The following POU6F2 variants were observed in gnomAD, a reference collection of about 807,000 sequenced individuals.
The protein encoded by POU6F2 is POU domain, class 6, transcription factor 2.
A neutral mutation model predicts 71.3 loss-of-function variants in POU6F2; 31 were observed. That is an observed-to-expected ratio of 0.43 (90% CI 0.33 to 0.59). POU6F2 has a LOEUF of 0.59. Among genes scored for constraint, POU6F2 ranks in the 20% least tolerant of loss-of-function variants. The pLI is 0.04. For synonymous variants in POU6F2, 347 were observed against 355.7 expected (o/e 0.98, Z 0.27); for missense variants, 783 against 856.8 (o/e 0.91, Z 1.07).
chr7:39,208,183 A>G (rs186737719), intron 4 of POU6F2, among the ~76,000 whole-genome samples: 1 of 152,234 alleles, frequency 6.6e-6, no homozygotes, highest in Non-Finnish European at 1.5e-5. Context: ...TTTATACTAC[A>G]GGGACATATA....
At chr7:39,182,684 G>T (rs1304949044) in intron 2 of POU6F2, among the ~76,000 whole-genome samples, 1 of 151,980 alleles carries the variant, frequency 6.6e-6, no homozygotes, top group Non-Finnish European at 1.5e-5. Context: ...GCTCTTTTCT[G>T]CTGCAATTGT....
intron 6 of POU6F2, among the ~76,000 whole-genome samples, chr7:39,430,728 C>T (rs1788080968): frequency 6.6e-6 from 1 of 152,198 alleles, no homozygotes. Flanking sequence ...AGGCTACTTG[C>T]TCCCACTGGC....
chr7:39,066,064 G>T (rs879609280), intron 1 of POU6F2, among the ~76,000 whole-genome samples: 3 of 151,698 alleles, frequency 2.0e-5, no homozygotes, highest in African/African-American at 4.8e-5. Flanking sequence ...CCCAAATTCG[G>T]CTTGACAGTT....
At chr7:39,424,013 A>C (rs1787912006) in intron 6 of POU6F2, among the ~76,000 whole-genome samples, 1 of 152,242 alleles carries the variant, frequency 6.6e-6, no homozygotes, top group African/African-American at 2.4e-5. Context: ...CTAGAGGCTG[A>C]GAAATTCAAG....
chr7:39,311,500 G>A (rs1583515686), intron 4 of POU6F2, among the ~76,000 whole-genome samples: 1 of 152,142 alleles, frequency 6.6e-6, no homozygotes, highest in Non-Finnish European at 1.5e-5. Context: ...AGGAATTTTT[G>A]TCTGTTTTTA....
intron 5 of POU6F2, among the ~76,000 whole-genome samples, chr7:39,359,565 A>T (rs543638695): frequency 6.6e-6 from 1 of 152,318 alleles, no homozygotes; most frequent in Non-Finnish European, 1.5e-5. Flanking sequence ...AATTAATTAA[A>T]TTATCACATT....
At position 39,121,526 on chromosome 7, in the gene POU6F2, C is replaced by T. The variant is rs182626544; in HGVS notation, c.277+35495C>T. ...ATTCTCTGTCAAAGTACGTATTTCT[C>T]GTTATTATTTCTCACTCATTATCTT... On this transcript the variant is annotated intron_variant, in intron 2 of 9. Coordinates refer to ENST00000518318, the MANE Select transcript of POU6F2 (RefSeq NM_001370959.1). Among the ~76,000 whole-genome samples, 19 of 152,252 alleles carry T rather than the reference C, an allele frequency of 1.2e-4. No individual in the cohort carries two copies. In the East Asian group the frequency reaches 2.7e-3, roughly 22 times the overall value.
At chr7:39,096,672 G>T (rs894126204) in intron 2 of POU6F2, among the ~76,000 whole-genome samples, 4 of 152,132 alleles carry the variant, frequency 2.6e-5, no homozygotes, top group African/African-American at 9.7e-5. Context: ...TGATTAGAAG[G>T]CATTAAAATT....
At chr7:39,356,780 A>T (rs1057423289) in intron 5 of POU6F2, among the ~76,000 whole-genome samples, 1 of 152,218 alleles carries the variant, frequency 6.6e-6, no homozygotes, top group East Asian at 1.9e-4. Flanking sequence ...TTGGCACATC[A>T]TAAGAACTAT....
chr7:39,407,425 AT>A (rs1229394138), intron 6 of POU6F2, among the ~76,000 whole-genome samples: 3 of 149,368 alleles, frequency 2.0e-5, no homozygotes. Flanking sequence ...AATGTGCCAC[AT>A]AATGTTCATA....
intron 1 of POU6F2, among the ~76,000 whole-genome samples, chr7:39,054,965 C>T (rs1252573179): frequency 2.0e-5 from 3 of 151,848 alleles, no homozygotes; most frequent in South Asian, 2.1e-4. Context: ...ACTGAAGAGT[C>T]ATAAGCAGGG....
At chr7:39,412,360 T>C (rs1177382050) in intron 6 of POU6F2, among the ~76,000 whole-genome samples, 1 of 152,102 alleles carries the variant, frequency 6.6e-6, no homozygotes, top group Non-Finnish European at 1.5e-5. Flanking sequence ...TTAAAGCAAA[T>C]CACTGCAAAA....
In POU6F2 at chr7:39,354,166, CTT is replaced by C. The variant is rs201786103; in HGVS notation, c.972+14154_972+14155del. 8.4e-3 allele frequency among the ~76,000 whole-genome samples: 1,274 copies of C among 152,336 alleles called. 19 individuals carry two copies. Among genetic ancestry groups the C allele is most frequent in the African/African-American group, 0.029 (1,186 of 41,586 alleles). On this transcript the variant is annotated intron_variant, in intron 5 of 9. Coordinates refer to ENST00000518318, the MANE Select transcript of POU6F2 (RefSeq NM_001370959.1). Reference sequence around the variant, plus strand: ...AGGGAGGGTAAACAAGAAATATTTTCTTTTCCAAGAGACTGTACTATTGTACT... The same window carrying C: ...AGGGAGGGTAAACAAGAAATATTTTCTTCCAAGAGACTGTACTATTGTACT...
intron 5 of POU6F2, among the ~76,000 whole-genome samples, chr7:39,345,498 ATCT>A (rs1258914340): frequency 6.6e-6 from 1 of 152,256 alleles, no homozygotes; most frequent in African/African-American, 2.4e-5. Flanking sequence ...CTAGAAATCC[ATCT>A]TCTTCATTGC....
intron 5 of POU6F2, among the ~76,000 whole-genome samples, chr7:39,373,201 A>G (rs926940657): frequency 7.2e-5 from 11 of 152,212 alleles, no homozygotes; most frequent in South Asian, 6.2e-4. Flanking sequence ...TGAGTGCTAT[A>G]TAAGTACTAG....
chr7:39,301,518 A>AGT (rs765308134), intron 4 of POU6F2, among the ~76,000 whole-genome samples: 2 of 152,128 alleles, frequency 1.3e-5, no homozygotes, highest in Non-Finnish European at 2.9e-5. Context: ...CAGGTGTGTG[A>AGT]GTGTGTGTGT....
rs138087310 is a variant in POU6F2, at chr7:39,401,467, G to A, written c.973-5133G>A. 7.1e-3 allele frequency among the ~76,000 whole-genome samples: 1,079 copies of A among 152,270 alleles called. 43 individuals are homozygous for A. Among genetic ancestry groups the A allele is most frequent in the Admixed American group, 0.065 (996 of 15,296 alleles). On this transcript the variant is annotated intron_variant, in intron 5 of 9. Coordinates refer to ENST00000518318, the MANE Select transcript of POU6F2 (RefSeq NM_001370959.1). ...GTAGGATAAAACACACATCAACCAC[G>A]TTGTTGAGATAAATATGGTCACTCT...
At chr7:39,107,844 C>T (rs1455941866) in intron 2 of POU6F2, among the ~76,000 whole-genome samples, 1 of 152,054 alleles carries the variant, frequency 6.6e-6, no homozygotes, top group Non-Finnish European at 1.5e-5. Flanking sequence ...TGCAGCCATC[C>T]CCAAGAAGAC....
chr7:39,227,464 A>T (rs1376863486), intron 4 of POU6F2, among the ~76,000 whole-genome samples: 1 of 150,058 alleles, frequency 6.7e-6, no homozygotes, highest in Non-Finnish European at 1.5e-5. Flanking sequence ...ATGTAGCATC[A>T]CCTGGGCTTT....
Sources: gnomAD v4.1 joint callset for allele counts (sites outside exome capture counted in the v4.1 genomes callset) on GRCh38, gnomAD v4.1.1 for gene constraint, MANE v1.5 for transcripts, NCBI Gene and HGNC (gene_info 2026-07-23, HGNC 2026-07-21) for gene names.